DAPK1: variants seen among roughly 807,000 people sequenced by gnomAD.
DAPK1 encodes the protein death-associated protein kinase 1.
DAPK1 carries 56 observed loss-of-function variants against 144.9 expected under a neutral mutation model. That is an observed-to-expected ratio of 0.39 (90% CI 0.31 to 0.48). The LOEUF is 0.48. DAPK1 is among the 20% of genes least tolerant of loss of function. The pLI is 0.95. For synonymous variants in DAPK1, 690 were observed against 749.0 expected (o/e 0.92, Z 1.29); for missense variants, 1,454 against 1,875.4 (o/e 0.78, Z 4.15).
Position 87,647,390 on chromosome 9 carries a change from A to T in DAPK1, c.1316A>T (p.Asp439Val), listed in dbSNP as rs924888427. 1.9e-6 allele frequency: 3 copies of T among 1,614,080 alleles called. No homozygotes were observed. Among genetic ancestry groups the T allele is most frequent in the Non-Finnish European group, 2.5e-6 (3 of 1,179,970 alleles). ...CTCAGTGAGAACAAATGCCCTTTGG[A>T]TGTGAAAGACAAGGTAAGGCCACTT... The part of the protein sequence containing the change: ...KFLSENKCPL[D>V]VKDKSGEMAL... Residue 439 changes from aspartate to valine, a missense_variant, in exon 14 of 26, where the codon GAT (aspartate) becomes GTT (valine). By Grantham distance (152) the Asp-to-Val change is radical (BLOSUM62 -3). This residue lies in a region of DAPK1 where 429 missense variants were observed against 637.5 expected (regional missense o/e 0.67). Coordinates refer to ENST00000408954, the MANE Select transcript of DAPK1 (RefSeq NM_004938.4).
intron 2 of DAPK1, among the ~76,000 whole-genome samples, chr9:87,501,256 ACACCTGTAAT>A (rs1379687069): frequency 6.6e-6 from 1 of 152,228 alleles, no homozygotes; most frequent in African/African-American, 2.4e-5. Context: ...GAGGTGGCTC[ACACCTGTAAT>A]CCCAGCACTT....
chr9:87,658,543 C>T (rs1004672082), intron 18 of DAPK1, among the ~76,000 whole-genome samples: 1 of 152,112 alleles, frequency 6.6e-6, no homozygotes, highest in African/African-American at 2.4e-5. Context: ...TCCACATTTA[C>T]CCCACAAGAC....
At chr9:87,515,694 G>C (rs1420247683) in intron 2 of DAPK1, among the ~76,000 whole-genome samples, 1 of 152,188 alleles carries the variant, frequency 6.6e-6, no homozygotes, top group African/African-American at 2.4e-5. Flanking sequence ...TTGCCGATTT[G>C]GGGAGGAAAT....
At chr9:87,587,205 C>T (rs1827967241) in intron 2 of DAPK1, among the ~76,000 whole-genome samples, 1 of 152,234 alleles carries the variant, frequency 6.6e-6, no homozygotes, top group Non-Finnish European at 1.5e-5. Context: ...GCCATGTTCT[C>T]TGCCTTCATA....
Position 87,686,743 on chromosome 9 carries a change from T to C in DAPK1, c.2413+4T>C, listed in dbSNP as rs763707840. On this transcript the variant is annotated splice_donor_region_variant and intron_variant, in intron 21 of 25. Coordinates refer to ENST00000408954, the MANE Select transcript of DAPK1 (RefSeq NM_004938.4). The surrounding 1 kb of genome is among the most constrained non-coding windows in gnomAD (Gnocchi z 4.2). Reference sequence around the variant, plus strand: ...ATCCAGAACGCTTATTTGAATGGTATGCCCTGCCTGCCCCAAGGGAAGGAC... The same window carrying C: ...ATCCAGAACGCTTATTTGAATGGTACGCCCTGCCTGCCCCAAGGGAAGGAC... The C allele has an allele frequency of 6.3e-7, 1 of 1,598,014 alleles. No homozygotes were observed. Among genetic ancestry groups the C allele is most frequent in the South Asian group, 1.1e-5 (1 of 90,236 alleles).
chr9:87,500,893 G>T (rs753188698), intron 2 of DAPK1, among the ~76,000 whole-genome samples: 20 of 152,140 alleles, frequency 1.3e-4, no homozygotes, highest in Admixed American at 5.2e-4. Context: ...AAAACTGGAA[G>T]TCTGAAGTTT....
At chr9:87,607,781 T>C (rs1828784348) in intron 3 of DAPK1, among the ~76,000 whole-genome samples, 1 of 152,126 alleles carries the variant, frequency 6.6e-6, no homozygotes, top group Admixed American at 6.5e-5. Flanking sequence ...ATGCCTGCCC[T>C]CTACTGCCTA....
intron 2 of DAPK1, among the ~76,000 whole-genome samples, chr9:87,569,666 T>C (rs553202731): frequency 6.6e-6 from 1 of 152,234 alleles, no homozygotes; most frequent in East Asian, 1.9e-4. Context: ...CCTGTCAGTG[T>C]CAATGCGGGT....
chr9:87,522,841 A>G (rs899503351), intron 2 of DAPK1, among the ~76,000 whole-genome samples: 3 of 152,262 alleles, frequency 2.0e-5, no homozygotes, highest in Middle Eastern at 3.2e-3. Context: ...ATTTTTAAGT[A>G]TGAATAAGTG....
At chr9:87,600,692 T>C (rs929818809) in intron 2 of DAPK1, among the ~76,000 whole-genome samples, 3 of 152,218 alleles carry the variant, frequency 2.0e-5, no homozygotes, top group Non-Finnish European at 4.4e-5. Context: ...TTAAATGTCA[T>C]AGCATGCAAA....
At chr9:87,532,545 A>G (rs943133709) in intron 2 of DAPK1, among the ~76,000 whole-genome samples, 1 of 152,206 alleles carries the variant, frequency 6.6e-6, no homozygotes, top group African/African-American at 2.4e-5. Context: ...AAATTCTAAA[A>G]TCTAAAATGT....
intron 2 of DAPK1, among the ~76,000 whole-genome samples, chr9:87,503,777 C>G (rs936274114): frequency 6.6e-6 from 1 of 152,176 alleles, no homozygotes; most frequent in African/African-American, 2.4e-5. Context: ...TTTTTGCATT[C>G]TTTGTGGCTG....
chr9:87,656,973 T>C (rs1011189968), intron 17 of DAPK1, among the ~76,000 whole-genome samples: 2 of 152,204 alleles, frequency 1.3e-5, no homozygotes, highest in Non-Finnish European at 1.5e-5. Context: ...ATTATGTTTT[T>C]CTAGGTTGCT....
intron 20 of DAPK1, 49 bp downstream of exon 20, chr9:87,681,675 G>A (rs751082183): frequency 5.3e-6 from 5 of 937,208 alleles, no homozygotes; most frequent in South Asian, 2.6e-5. Flanking sequence ...GTTGGCTTCC[G>A]CACTCTCTCC....
intron 2 of DAPK1, among the ~76,000 whole-genome samples, chr9:87,595,106 G>A (rs547163005): frequency 6.6e-6 from 1 of 152,306 alleles, no homozygotes; most frequent in East Asian, 1.9e-4. Flanking sequence ...CCGTTTAACT[G>A]GGAGAGAGGA....
At position 87,668,579 on chromosome 9, in the gene DAPK1, T is replaced by G. The variant is rs368329673; in HGVS notation, c.1924-18T>G. 5 of 1,156,094 alleles carry G rather than the reference T, an allele frequency of 4.3e-6. No homozygotes were observed. The highest frequency in any genetic ancestry group is 6.6e-6 in the Non-Finnish European group (5 of 760,940). The allele number at this position is 1,156,094 out of a possible 1,614,324, so 71.6% of individuals were successfully genotyped here. A position where few individuals can be genotyped will look rare whatever the true frequency, so the allele number is the denominator to read the frequency against. On this transcript the variant is annotated intron_variant, in intron 18 of 25. Transcript: ENST00000408954. ...CTCCTTTTCAGAGAAAAGAAACTAA[T>G]GCATTTTTCTCCAACAGGACGGAAA...
intron 3 of DAPK1, among the ~76,000 whole-genome samples, chr9:87,628,923 C>T (rs759682331): frequency 2.0e-5 from 3 of 152,178 alleles, no homozygotes; most frequent in Non-Finnish European, 4.4e-5. Context: ...AATTATCTTC[C>T]CCTTTCCTTG....
chr9:87,599,756 TGA>T (rs1828445685), intron 2 of DAPK1, among the ~76,000 whole-genome samples: 1 of 152,232 alleles, frequency 6.6e-6, no homozygotes, highest in African/African-American at 2.4e-5. Context: ...TCATTATGTG[TGA>T]GAGTTATTCT....
rs1225037485 is a variant in DAPK1 at position 87,552,331 on chromosome 9, GGGAGGGATATCTGCAGCTGGAA to G, written c.63-52596_63-52575del. 2.0e-5 allele frequency among the ~76,000 whole-genome samples: 3 copies of G among 152,028 alleles called. No individual in the cohort carries two copies. The South Asian group carries it at 6.2e-4, about 32-fold the overall frequency. Reference sequence around the variant, plus strand: ...GCTGACCCCATCTTAAAGAGGACAAGGGAGGGATATCTGCAGCTGGAAGGAGGGATATCTGCAGCTGGAAGGA... The same window carrying G: ...GCTGACCCCATCTTAAAGAGGACAAGGGAGGGATATCTGCAGCTGGAAGGA... On this transcript the variant is annotated intron_variant, in intron 2 of 25. Transcript: ENST00000408954.
Sources: allele counts gnomAD v4.1 joint callset (sites outside exome capture counted in the v4.1 genomes callset), GRCh38; gene constraint gnomAD v4.1.1; regional missense constraint gnomAD v4.1.1; non-coding constraint Gnocchi (gnomAD v3.1); transcripts MANE v1.5; gene names NCBI Gene and HGNC (gene_info 2026-07-23, HGNC 2026-07-21).